CLTC: variants seen among roughly 807,000 people sequenced by gnomAD.
CLTC encodes the protein clathrin heavy chain, also known as clathrin heavy chain 1.
Under a neutral mutation model 195.8 loss-of-function variants are expected in CLTC, and 16 were observed. The ratio of observed to expected loss-of-function variants is 0.08; its 90% confidence interval spans 0.06 to 0.12. CLTC has a LOEUF of 0.12. Among genes scored for constraint, CLTC ranks in the 10% least tolerant of loss-of-function variants. CLTC has a pLI of 1.00. For missense variants in CLTC, 796 were observed against 2,027.0 expected (o/e 0.39, Z 11.66); for synonymous variants, 667 against 689.4 (o/e 0.97, Z 0.51).
intron 1 of CLTC, among the ~76,000 whole-genome samples, chr17:59,643,926 G>C (rs969103661): frequency 1.3e-5 from 2 of 152,080 alleles, no homozygotes; most frequent in East Asian, 1.9e-4. Flanking sequence ...ACATGTTAAG[G>C]GGGGTGAGAG....
At chr17:59,642,349 G>C (rs895063977) in intron 1 of CLTC, among the ~76,000 whole-genome samples, 1 of 152,174 alleles carries the variant, frequency 6.6e-6, no homozygotes, top group Non-Finnish European at 1.5e-5. Context: ...TGGGACTTAA[G>C]CTGTGACAGG....
intron 5 of CLTC, among the ~76,000 whole-genome samples, chr17:59,651,542 A>G (rs1449795528): frequency 6.6e-6 from 1 of 152,232 alleles, no homozygotes; most frequent in African/African-American, 2.4e-5. Context: ...TAAATACCAC[A>G]ACAAAGTGAG....
rs2033440412 is a variant in CLTC, at chr17:59,696,847, A to ACTT, written c.*2996_*2998dup. 4.9e-6 allele frequency: 1 copy of ACTT among 202,498 alleles called. No individual in the cohort carries two copies. Among genetic ancestry groups the ACTT allele is most frequent in the South Asian group, 1.9e-4 (1 of 5,258 alleles). 12.5% of individuals were successfully genotyped at this position (202,498 alleles called of 1,614,324 possible). On this transcript the variant is annotated 3_prime_UTR_variant, in exon 32 of 32. Transcript: ENST00000269122. ...TTACAAGAAAGGGGGGAAGTGAGAA[A>ACTT]CTTTAATAGGCTGTGATTTAGAACC... is the stretch of plus-strand genomic sequence containing the variant.
chr17:59,680,873 CT>C, intron 18 of CLTC, 38 bp from the exon 19 acceptor site: 1 of 1,502,718 alleles, frequency 6.7e-7, no homozygotes, highest in Non-Finnish European at 8.9e-7. Flanking sequence ...TTAAAACCAA[CT>C]TGATTCTCAG....
intron 1 of CLTC, among the ~76,000 whole-genome samples, chr17:59,641,805 G>A (rs955555066): frequency 4.6e-5 from 7 of 151,790 alleles, no homozygotes; most frequent in African/African-American, 1.7e-4. Flanking sequence ...CATAGATTAG[G>A]GTTGCAGGCA....
At chr17:59,690,812 AGGCTTTC>A (rs1212277902) in intron 31 of CLTC, 101 bp downstream of exon 31, 1 of 840,782 alleles carries the variant, frequency 1.2e-6, no homozygotes, top group Non-Finnish European at 1.9e-6. Flanking sequence ...AAAGTGCAAA[AGGCTTTC>A]TAAGAAATAC....
intron 9 of CLTC, 100 bp from the exon 10 acceptor site, chr17:59,664,687 C>A: frequency 8.0e-7 from 1 of 1,253,922 alleles, no homozygotes; most frequent in South Asian, 1.9e-5. Context: ...TGTGCTTTCA[C>A]CAGTAGTTCT....
chr17:59,668,231 A>C (rs909272907), intron 13 of CLTC, among the ~76,000 whole-genome samples: 1 of 152,204 alleles, frequency 6.6e-6, no homozygotes, highest in African/African-American at 2.4e-5. Flanking sequence ...TTGCATATTG[A>C]AAAACACCAG....
intron 1 of CLTC, among the ~76,000 whole-genome samples, chr17:59,629,701 A>G (rs758134415): frequency 1.3e-5 from 2 of 151,778 alleles, no homozygotes; most frequent in African/African-American, 2.4e-5. Context: ...TTGTAATTTT[A>G]GTACAGATGG....
intron 4 of CLTC, among the ~76,000 whole-genome samples, chr17:59,649,390 T>C (rs1286924693): frequency 1.3e-5 from 2 of 152,230 alleles, no homozygotes; most frequent in Non-Finnish European, 2.9e-5. Flanking sequence ...ACTTTTGTGT[T>C]CCTAGCTCCC....
chr17:59,620,837 A>G (rs1332140563), intron 1 of CLTC, among the ~76,000 whole-genome samples: 1 of 151,962 alleles, frequency 6.6e-6, no homozygotes, highest in Non-Finnish European at 1.5e-5. Context: ...TGTCAATCTC[A>G]GAGTGTGTGC....
At chr17:59,636,932 C>CTTTTTTTTTT (rs771908096) in intron 1 of CLTC, among the ~76,000 whole-genome samples, 278 of 103,602 alleles carry the variant, frequency 2.7e-3, no homozygotes, top group African/African-American at 7.4e-3. Flanking sequence ...CCGGCTAATT[C>CTTTTTTTTTT]TTTTTTTTTT....
At chr17:59,657,913 CAG>C (rs377103758) in intron 6 of CLTC, among the ~76,000 whole-genome samples, 40 of 149,262 alleles carry the variant, frequency 2.7e-4, no homozygotes, top group East Asian at 2.4e-3. Context: ...AAAAAAAAGA[CAG>C]GGGCTGGGCA....
rs1390170169 is a variant in CLTC, at chr17:59,663,830, TCC to T, written c.1369-11_1369-10del. 6.2e-7 allele frequency: 1 copy of T among 1,606,786 alleles called. No homozygotes were observed. Among genetic ancestry groups the T allele is most frequent in the Admixed American group, 1.7e-5 (1 of 57,924 alleles). On this transcript the variant is annotated splice_polypyrimidine_tract_variant and intron_variant, in intron 8 of 31. Transcript: ENST00000269122. Reference sequence around the variant, plus strand: ...CATGGATCACTAAACAATCTCTTTTTCCTTTGGACAGCTGGAATGTTCTGAAG... The same window carrying T: ...CATGGATCACTAAACAATCTCTTTTTTTTGGACAGCTGGAATGTTCTGAAG...
At chr17:59,632,014 T>C (rs2031733796) in intron 1 of CLTC, among the ~76,000 whole-genome samples, 1 of 147,516 alleles carries the variant, frequency 6.8e-6, no homozygotes, top group Non-Finnish European at 1.5e-5. Context: ...AATCCCAGAA[T>C]TAAGTAAAAG....
At position 59,644,404 on chromosome 17, in the gene CLTC, C is replaced by T. The variant is rs763359244; in HGVS notation, c.171C>T (p.Asp57=). 4 of 1,614,102 alleles carry T rather than the reference C, an allele frequency of 2.5e-6. No homozygotes were observed. In the South Asian group the frequency reaches 3.3e-5, roughly 13 times the overall value. ...QAQVVIIDMN[D]PSNPIRRPIS... ...AGGTGGTAATCATTGATATGAATGA[C>T]CCAAGTAATCCAATTCGAAGACCAA... is the stretch of plus-strand genomic sequence containing the variant. Residue 57 remains aspartate, a synonymous_variant, in exon 2 of 32, where the codon GAC becomes GAT. Transcript: ENST00000269122.
intron 2 of CLTC, 63 bp downstream of exon 2, chr17:59,644,546 T>TTTGG (rs113812535): frequency 0.032 from 29,623 of 934,280 alleles, 484 homozygotes; most frequent in South Asian, 0.035. Context: ...TTTGTTTTTT[T>TTTGG]TTTGTTTGTT....
In CLTC at chr17:59,685,294, T is replaced by C; in HGVS notation, c.4605+68T>C. On this transcript the variant is annotated intron_variant, in intron 29 of 31. Transcript: ENST00000269122. This position sits in a 1 kb window ranked among gnomAD's most constrained non-coding sequence, Gnocchi z 5.0. ...AAAATGGTGTTACAAGTGATTATAA[T>C]CTATAAATAAAAGTATTGGTTTTGT... 7.1e-7 allele frequency: 1 copy of C among 1,406,064 alleles called. No individual in the cohort carries two copies. Among genetic ancestry groups the C allele is most frequent in the South Asian group, 1.5e-5 (1 of 67,462 alleles). 87.1% of individuals were successfully genotyped at this position (1,406,064 alleles called of 1,614,324 possible). A position where few individuals can be genotyped will look rare whatever the true frequency, so the allele number is the denominator to read the frequency against.
At chr17:59,646,520 T>C (rs895751947) in intron 2 of CLTC, among the ~76,000 whole-genome samples, 5 of 148,606 alleles carry the variant, frequency 3.4e-5, no homozygotes, top group African/African-American at 1.2e-4. Context: ...ATTCTCTGTG[T>C]CTCAGGAATG....
Sources: allele counts gnomAD v4.1 joint callset (sites outside exome capture counted in the v4.1 genomes callset), GRCh38; gene constraint gnomAD v4.1.1; non-coding constraint Gnocchi (gnomAD v3.1); transcripts MANE v1.5; gene names NCBI Gene and HGNC (gene_info 2026-07-23, HGNC 2026-07-21).